Variants in LARGE1 observed in about 807,000 individuals in gnomAD.
LARGE1 encodes xylosyl- and glucuronyltransferase LARGE1.
In LARGE1, 43 loss-of-function variants were observed where a neutral mutation model predicts 87.6. That is an observed-to-expected ratio of 0.49 (90% CI 0.38 to 0.63). The LOEUF (loss-of-function observed/expected upper bound fraction) is 0.63. LARGE1 is among the 30% of genes least tolerant of loss of function. The pLI, the probability that LARGE1 is intolerant of heterozygous loss-of-function variation, is 0.00. For missense variants in LARGE1, 802 were observed against 1,000.2 expected (o/e 0.80, Z 2.67); for synonymous variants, 434 against 394.6 (o/e 1.10, Z -1.18).
chr22:33,905,440 C>A (rs5999137), intron 1 of LARGE1, among the ~76,000 whole-genome samples: 1,928 of 152,198 alleles, frequency 0.013, 63 homozygotes, highest in African/African-American at 0.044. Context: ...TTTTCATCCT[C>A]AACTACACAA....
At chr22:33,220,055 G>A (rs1327073611) in intron 11 of LARGE1, among the ~76,000 whole-genome samples, 1 of 152,244 alleles carries the variant, frequency 6.6e-6, no homozygotes, top group African/African-American at 2.4e-5. Flanking sequence ...GCTGATAACT[G>A]CTGGGATAAT....
intron 6 of LARGE1, among the ~76,000 whole-genome samples, chr22:33,524,521 C>T (rs1398521512): frequency 1.3e-5 from 2 of 152,138 alleles, no homozygotes; most frequent in East Asian, 1.9e-4. Flanking sequence ...GGCCACATAA[C>T]GTCTCACCCC....
chr22:33,658,412 T>C (rs1288404843), intron 2 of LARGE1, among the ~76,000 whole-genome samples: 1 of 152,164 alleles, frequency 6.6e-6, no homozygotes, highest in African/African-American at 2.4e-5. Flanking sequence ...CCAGCATCCA[T>C]TAGCTACTCT....
the LARGE1 span, among the ~76,000 whole-genome samples, chr22:33,111,290 C>G: frequency 8.5e-5 from 13 of 152,302 alleles, no homozygotes; most frequent in African/African-American, 3.1e-4. Context: ...CCTTTCTGCT[C>G]TCCTCCAAGT....
chr22:33,348,361 G>A (rs1940020674), intron 9 of LARGE1, among the ~76,000 whole-genome samples: 1 of 147,126 alleles, frequency 6.8e-6, no homozygotes, highest in African/African-American at 2.5e-5. Flanking sequence ...GTAAGACTTA[G>A]GTTCAAACCA....
intron 7 of LARGE1, among the ~76,000 whole-genome samples, chr22:33,425,532 C>T (rs2066846063): frequency 6.6e-6 from 1 of 152,158 alleles, no homozygotes; most frequent in African/African-American, 2.4e-5. Context: ...TGAATGAGAA[C>T]CTACAGTACA....
intron 2 of LARGE1, chr22:33,725,875 C>G (rs2083255500): frequency 9.8e-6 from 1 of 102,046 alleles, no homozygotes; most frequent in Admixed American, 1.1e-4. Context: ...ACTTTTCAGC[C>G]AAGGGCAATT....
intron 6 of LARGE1, among the ~76,000 whole-genome samples, chr22:33,478,228 G>A (rs1311079990): frequency 6.6e-6 from 1 of 152,142 alleles, no homozygotes; most frequent in Non-Finnish European, 1.5e-5. Flanking sequence ...CTTTCCAAAC[G>A]GGCTTCCACT....
intron 7 of LARGE1, among the ~76,000 whole-genome samples, chr22:33,404,369 C>A (rs753522306): frequency 4.6e-5 from 7 of 152,204 alleles, no homozygotes; most frequent in African/African-American, 7.2e-5. Context: ...TAAATAAGAT[C>A]ATAATCCATT....
intron 7 of LARGE1, among the ~76,000 whole-genome samples, chr22:33,386,535 C>T (rs896934695): frequency 2.0e-4 from 30 of 148,886 alleles, no homozygotes; most frequent in African/African-American, 5.4e-4. Flanking sequence ...GGGAAAAAAA[C>T]GGCCGGATTT....
At chr22:33,519,231 C>CGTGT (rs769245398) in intron 6 of LARGE1, among the ~76,000 whole-genome samples, 1,609 of 134,580 alleles carry the variant, frequency 0.012, 18 homozygotes, top group Middle Eastern at 0.03. Flanking sequence ...CGTGCGTGCG[C>CGTGT]GCGCGTGTGT....
chr22:33,564,266 T>C (rs1416941321), intron 6 of LARGE1, among the ~76,000 whole-genome samples: 1 of 152,176 alleles, frequency 6.6e-6, no homozygotes, highest in Non-Finnish European at 1.5e-5. Flanking sequence ...ATGCCACAGT[T>C]AGTACACCTA....
chr22:33,691,427 G>C (rs1015893870), intron 2 of LARGE1, among the ~76,000 whole-genome samples: 2 of 152,094 alleles, frequency 1.3e-5, no homozygotes, highest in African/African-American at 4.8e-5. Context: ...GAGAGAATAA[G>C]CACGGCAGAG....
chr22:33,915,042 C>CACAG (rs144076486), intron 1 of LARGE1, among the ~76,000 whole-genome samples: 59 of 137,104 alleles, frequency 4.3e-4, no homozygotes, highest in East Asian at 1.8e-3. Flanking sequence ...CACACACACA[C>CACAG]AGAGAGAGAG....
intron 2 of LARGE1, among the ~76,000 whole-genome samples, chr22:33,675,288 C>T (rs796670063): frequency 5.7e-4 from 9 of 15,914 alleles, no homozygotes; most frequent in African/African-American, 2.3e-3. Context: ...GAGCGAAACT[C>T]CATCAAAAAA....
intron 3 of LARGE1, among the ~76,000 whole-genome samples, chr22:33,642,935 A>T (rs2080489465): frequency 6.6e-6 from 1 of 152,150 alleles, no homozygotes; most frequent in South Asian, 2.1e-4. Flanking sequence ...TTAGACTCCC[A>T]CACAATAATA....
chr22:33,890,973 T>A (rs1306836148), intron 1 of LARGE1, among the ~76,000 whole-genome samples: 2 of 152,028 alleles, frequency 1.3e-5, no homozygotes, highest in Non-Finnish European at 2.9e-5. Flanking sequence ...CATTTACAAC[T>A]GAGCAGCTAC....
intron 3 of LARGE1, among the ~76,000 whole-genome samples, chr22:33,638,168 C>T (rs927856912): frequency 2.0e-5 from 3 of 152,174 alleles, no homozygotes; most frequent in African/African-American, 2.4e-5. Flanking sequence ...AGCTGGCAAA[C>T]GCCTTCACTG....
chr22:33,473,462 G>T (rs780198050), intron 6 of LARGE1, among the ~76,000 whole-genome samples: 20 of 152,018 alleles, frequency 1.3e-4, no homozygotes, highest in Non-Finnish European at 2.5e-4. Flanking sequence ...TGATTCTCCC[G>T]CCTCAGCCTC....
Sources: allele counts gnomAD v4.1 joint callset (sites outside exome capture counted in the v4.1 genomes callset), GRCh38; gene constraint gnomAD v4.1.1; transcripts MANE v1.5; gene names NCBI Gene and HGNC (gene_info 2026-07-23, HGNC 2026-07-21).